Variants in AADACL4 observed in about 807,000 individuals in gnomAD.
AADACL4 encodes the protein arylacetamide deacetylase like 4.
In AADACL4, 9 loss-of-function variants were observed where a neutral mutation model predicts 14.1. The ratio of observed to expected loss-of-function variants is 0.64; its 90% CI spans 0.39 to 1.12. AADACL4 has a LOEUF of 1.12. Ranked by LOEUF, AADACL4 falls within the 50% of genes most tolerant of loss-of-function variation. The pLI, the probability that AADACL4 is intolerant of heterozygous loss-of-function variation, is 0.01. For synonymous variants in AADACL4, 188 were observed against 201.6 expected (o/e 0.93, Z 0.57); for missense variants, 531 against 516.1 (o/e 1.03, Z -0.28).
In AADACL4 at chr1:12,644,728, C is replaced by T. The variant is rs746157398; in HGVS notation, c.168+14C>T. Reference sequence around the variant, plus strand: ...CTGGTCACTTTGGTGAGTTTACTCTCAGGCCACGTCGTAACCTGGGGGCTT... The same window carrying T: ...CTGGTCACTTTGGTGAGTTTACTCTTAGGCCACGTCGTAACCTGGGGGCTT... On this transcript the variant is annotated intron_variant, in intron 1 of 3. Coordinates refer to ENST00000376221, the MANE Select transcript of AADACL4 (RefSeq NM_001013630.2). 6.2e-7 allele frequency: 1 copy of T among 1,612,716 alleles called. No homozygotes were observed. The highest frequency in any genetic ancestry group is 8.5e-7 in the Non-Finnish European group (1 of 1,179,042).
chr1:12,658,103 CTTT>C (rs1647195008), intron 2 of AADACL4, among the ~76,000 whole-genome samples: 1 of 99,626 alleles, frequency 1.0e-5, no homozygotes, highest in African/African-American at 5.5e-5. Context: ...TTCTTTCTCT[CTTT>C]CTTTCCTTCC....
chr1:12,651,828 ATTTTT>A (rs34997722), intron 2 of AADACL4, among the ~76,000 whole-genome samples: 1 of 124,172 alleles, frequency 8.1e-6, no homozygotes. Flanking sequence ...AGCTAGGAGG[ATTTTT>A]TTTTTTTTTT....
chr1:12,658,101 C>CTCTG (rs1647194812), intron 2 of AADACL4, among the ~76,000 whole-genome samples: 1 of 106,880 alleles, frequency 9.4e-6, no homozygotes, highest in South Asian at 3.6e-4. Flanking sequence ...CTTTCTTTCT[C>CTCTG]TCTTTCTTTC....
chr1:12,644,854 C>A, intron 1 of AADACL4, 140 bp downstream of exon 1: 1 of 945,048 alleles, frequency 1.1e-6, no homozygotes. Flanking sequence ...TCTTCTGTAT[C>A]TGCTATTCTG....
At chr1:12,658,110 TCC>T in intron 2 of AADACL4, among the ~76,000 whole-genome samples, 2 of 66,610 alleles carry the variant, frequency 3.0e-5, no homozygotes, top group South Asian at 4.2e-4. Context: ...TCTCTTTCTT[TCC>T]TTCCTTCCTT....
rs780109392 is a variant in AADACL4, at chr1:12,665,920, T to C, written c.450-41T>C. Reference sequence around the variant, plus strand: ...TGTTGAAACAGCTCCCTAGCAACACTGTCCACACTGGTGTAGTGTTGCTCC... The same window carrying C: ...TGTTGAAACAGCTCCCTAGCAACACCGTCCACACTGGTGTAGTGTTGCTCC... On this transcript the variant is annotated intron_variant, in intron 3 of 3. Transcript: ENST00000376221. 1.5e-5 allele frequency: 23 copies of C among 1,546,142 alleles called. No individual in the cohort carries two copies. In the Middle Eastern group the frequency reaches 8.7e-4, roughly 58 times the overall value.
intron 2 of AADACL4, among the ~76,000 whole-genome samples, chr1:12,658,387 CA>C (rs1557551043): frequency 6.6e-6 from 1 of 151,850 alleles, no homozygotes; most frequent in Non-Finnish European, 1.5e-5. Context: ...GCCTCCCAAG[CA>C]GCTGAGATTA....
chr1:12,664,595 G>A (rs1647281868), intron 3 of AADACL4, among the ~76,000 whole-genome samples: 1 of 152,096 alleles, frequency 6.6e-6, no homozygotes, highest in Non-Finnish European at 1.5e-5. Flanking sequence ...TTGAACTCCT[G>A]AGGTTGAGTG....
At chr1:12,648,121 C>T (rs1647122769) in intron 1 of AADACL4, among the ~76,000 whole-genome samples, 2 of 152,100 alleles carry the variant, frequency 1.3e-5, no homozygotes, top group South Asian at 4.1e-4. Flanking sequence ...CAGGTGCGTG[C>T]CACCACGCCT....
chr1:12,648,574 T>C (rs1457780146), intron 1 of AADACL4, among the ~76,000 whole-genome samples: 1 of 151,184 alleles, frequency 6.6e-6, no homozygotes, highest in Non-Finnish European at 1.5e-5. Flanking sequence ...TTTTTTTTTT[T>C]GTATGTTTTG....
At chr1:12,651,658 C>T (rs1157566048) in intron 2 of AADACL4, among the ~76,000 whole-genome samples, 1 of 151,974 alleles carries the variant, frequency 6.6e-6, no homozygotes, top group Non-Finnish European at 1.5e-5. Context: ...TGCCCTGTCT[C>T]ATTTACAATG....
At chr1:12,650,961 T>G (rs1248592879) in intron 1 of AADACL4, among the ~76,000 whole-genome samples, 162 bp from the exon 2 acceptor site, 1 of 152,172 alleles carries the variant, frequency 6.6e-6, no homozygotes, top group African/African-American at 2.4e-5. Flanking sequence ...GCCCTCTACC[T>G]GGACACAGTC....
At chr1:12,653,934 T>C in intron 2 of AADACL4, among the ~76,000 whole-genome samples, 1 of 151,958 alleles carries the variant, frequency 6.6e-6, no homozygotes, top group Admixed American at 6.6e-5. Flanking sequence ...TATTAGAGTA[T>C]CCCCCCCTTT....
rs377733195 is a variant in AADACL4 at position 12,666,259 on chromosome 1, G to A, written c.748G>A (p.Val250Met). Residue 250 changes from valine (V) to methionine (M), a missense_variant, in exon 4 of 4, where the codon GTG (valine) becomes ATG (methionine). By Grantham distance (21) the Val-to-Met change is conservative. Transcript: ENST00000376221. Reference protein sequence around the residue: ...NVPLLSRKFMVTSLCNYLAID... With the variant: ...NVPLLSRKFMMTSLCNYLAID... ...CCCATTACTTTCCCGGAAGTTCATG[G>A]TGACTTCTCTGTGTAACTATCTGGC... is the stretch of plus-strand genomic sequence containing the variant. 50 of 1,614,126 alleles carry A rather than the reference G, an allele frequency of 3.1e-5. No homozygotes were observed. Among genetic ancestry groups the A allele is most frequent in the East Asian group, 4.5e-5 (2 of 44,898 alleles).
At chr1:12,653,029 A>G (rs1647158978) in intron 2 of AADACL4, among the ~76,000 whole-genome samples, 1 of 151,972 alleles carries the variant, frequency 6.6e-6, no homozygotes. Flanking sequence ...AGAGATTTCC[A>G]TCTCCTATAC....
chr1:12,662,046 C>T (rs868040394), intron 3 of AADACL4, among the ~76,000 whole-genome samples, 192 bp downstream of exon 3: 26 of 152,038 alleles, frequency 1.7e-4, no homozygotes, highest in African/African-American at 6.0e-4. Context: ...TGAACGGGGG[C>T]GTGCATGAAT....
intron 2 of AADACL4, 96 bp from the exon 3 acceptor site, chr1:12,661,695 C>T: frequency 1.6e-6 from 2 of 1,275,248 alleles, no homozygotes; most frequent in Non-Finnish European, 1.1e-6. Context: ...TGCCACACCC[C>T]ACACCAAGAC....
chr1:12,660,007 C>T (rs576773810), intron 2 of AADACL4, among the ~76,000 whole-genome samples: 33 of 152,308 alleles, frequency 2.2e-4, no homozygotes, highest in Admixed American at 3.9e-4. Context: ...TTTGTAGAGA[C>T]GGCATTTCCC....
intron 3 of AADACL4, among the ~76,000 whole-genome samples, chr1:12,664,525 C>G (rs997782242): frequency 2.0e-5 from 3 of 152,078 alleles, no homozygotes; most frequent in Non-Finnish European, 2.9e-5. Flanking sequence ...CACCACCACA[C>G]CCCGCTAATT....
Sources: gnomAD v4.1 joint callset for allele counts (sites outside exome capture counted in the v4.1 genomes callset) on GRCh38, gnomAD v4.1.1 for gene constraint, MANE v1.5 for transcripts, NCBI Gene and HGNC (gene_info 2026-07-23, HGNC 2026-07-21) for gene names.